The following CPS1 variants were observed in gnomAD, a reference collection of about 807,000 sequenced individuals.
The protein encoded by CPS1 is carbamoyl-phosphate synthase [ammonia], mitochondrial.
Under a neutral mutation model 174.6 loss-of-function variants are expected in CPS1, and 109 were observed. That is an observed-to-expected ratio of 0.62 (90% confidence interval 0.53 to 0.73). The LOEUF (loss-of-function observed/expected upper bound fraction) is 0.73, where lower values mean the gene tolerates loss of function less well. CPS1 is among the 30% of genes least tolerant of loss of function. The pLI is 0.00. For missense variants in CPS1, 1,689 were observed against 1,821.9 expected (o/e 0.93, Z 1.33); for synonymous variants, 637 against 632.0 (o/e 1.01, Z -0.12).
Position 210,648,630 on chromosome 2 carries a change from T to C in CPS1, c.3404+90T>C. On this transcript the variant is annotated intron_variant, in intron 27 of 37. Coordinates refer to ENST00000233072, the MANE Select transcript of CPS1 (RefSeq NM_001875.5). The stretch of plus-strand genomic sequence containing the variant: ...GTATGCTAATAGCACTAGGGTTCTA[T>C]ATGTAGTAATTTATAAATCCATTAA... 5.0e-6 allele frequency: 5 copies of C among 1,009,578 alleles called. No homozygotes were observed. The South Asian group carries it at 6.4e-5, about 13-fold the overall frequency. The allele number at this position is 1,009,578 out of a possible 1,614,324, so 62.5% of individuals were successfully genotyped here.
intron 21 of CPS1, among the ~76,000 whole-genome samples, chr2:210,635,077 G>A (rs965736825): frequency 6.6e-6 from 1 of 152,080 alleles, no homozygotes; most frequent in Non-Finnish European, 1.5e-5. Flanking sequence ...TTGAGTAGCT[G>A]GGATTACAGG....
At chr2:210,528,108 T>C (rs1216976447) in intron 1 of CPS1, among the ~76,000 whole-genome samples, 1 of 151,906 alleles carries the variant, frequency 6.6e-6, no homozygotes, top group Non-Finnish European at 1.5e-5. Context: ...CAAGTCACCC[T>C]GTTTGTGGAG....
chr2:210,511,798 A>G (rs1400005810), intron 1 of CPS1, among the ~76,000 whole-genome samples: 1 of 152,136 alleles, frequency 6.6e-6, no homozygotes, highest in Non-Finnish European at 1.5e-5. Context: ...GACTAAACTC[A>G]AAACTGACTG....
intron 1 of CPS1, among the ~76,000 whole-genome samples, chr2:210,523,745 T>C (rs1427728437): frequency 6.6e-6 from 1 of 152,042 alleles, no homozygotes; most frequent in African/African-American, 2.4e-5. Context: ...GAATGAATGT[T>C]CATGCAGGCA....
chr2:210,556,552 G>A (rs1331899174), upstream of CPS1: 8 of 1,481,810 alleles, frequency 5.4e-6, no homozygotes, highest in Admixed American at 4.6e-5. Flanking sequence ...TTAAGAGAAG[G>A]AGGAGCTGTG....
At chr2:210,486,824 G>T (rs1694742266) in intron 1 of CPS1, among the ~76,000 whole-genome samples, 1 of 152,076 alleles carries the variant, frequency 6.6e-6, no homozygotes, top group Non-Finnish European at 1.5e-5. Flanking sequence ...CTTTTCAAAT[G>T]CATTGTAGGT....
Position 210,595,555 on chromosome 2 carries a change from A to G in CPS1, c.1332A>G (p.Ser444=), listed in dbSNP as rs773724891. Residue 444 remains serine, a synonymous_variant, in exon 13 of 38, where the codon TCA becomes TCG. Coordinates refer to ENST00000233072, the MANE Select transcript of CPS1 (RefSeq NM_001875.5). ...GTCAGGCTGGAGAATTTGATTACTC[A>G]GGATCTCAAGCTGTAAAAGCCATGA... The part of the protein sequence containing the change: ...SIGQAGEFDY[S]GSQAVKAMKE... 4 of 1,611,340 alleles carry G rather than the reference A, an allele frequency of 2.5e-6. No individual in the cohort carries two copies. The highest frequency in any genetic ancestry group is 3.3e-4 in the Middle Eastern group (2 of 6,042).
At chr2:210,547,406 A>G (rs1030823785) in intron 1 of CPS1, among the ~76,000 whole-genome samples, 15 of 152,198 alleles carry the variant, frequency 9.9e-5, no homozygotes, top group African/African-American at 2.6e-4. Context: ...TTTGAGTCTG[A>G]TATTTCAGTT....
chr2:210,494,119 T>A (rs1694932811), intron 1 of CPS1, among the ~76,000 whole-genome samples: 1 of 152,234 alleles, frequency 6.6e-6, no homozygotes, highest in Non-Finnish European at 1.5e-5. Flanking sequence ...GCTTGGCATC[T>A]GCTGCTATCA....
At chr2:210,644,115 T>G (rs577378195) in intron 25 of CPS1, among the ~76,000 whole-genome samples, 76 of 152,264 alleles carry the variant, frequency 5.0e-4, no homozygotes, top group African/African-American at 1.8e-3. Flanking sequence ...AAAACTTCTA[T>G]GACTGCTTTT....
At chr2:210,629,439 C>T (rs1001432356) in intron 21 of CPS1, among the ~76,000 whole-genome samples, 4 of 151,924 alleles carry the variant, frequency 2.6e-5, no homozygotes, top group South Asian at 2.1e-4. Flanking sequence ...CTCAGCCTCC[C>T]GAGTAGCTCG....
chr2:210,506,249 C>T (rs1695280432), intron 1 of CPS1, among the ~76,000 whole-genome samples: 1 of 152,144 alleles, frequency 6.6e-6, no homozygotes, highest in Non-Finnish European at 1.5e-5. Flanking sequence ...TCTGCAGCCT[C>T]CGCTTCTGAT....
chr2:210,508,568 C>CA (rs1186581019), intron 1 of CPS1, among the ~76,000 whole-genome samples: 12 of 152,132 alleles, frequency 7.9e-5, no homozygotes, highest in Non-Finnish European at 8.8e-5. Flanking sequence ...AAAAACCCTT[C>CA]AAAAAATCAA....
At chr2:210,592,186 G>T (rs1698329327) in intron 10 of CPS1, among the ~76,000 whole-genome samples, 1 of 151,796 alleles carries the variant, frequency 6.6e-6, no homozygotes, top group African/African-American at 2.4e-5. Context: ...TAGCTGTTTT[G>T]AAATATGCAA....
At chr2:210,518,384 G>T (rs1200866426) in intron 1 of CPS1, among the ~76,000 whole-genome samples, 1 of 151,942 alleles carries the variant, frequency 6.6e-6, no homozygotes. Context: ...GTAGATGCGT[G>T]GTTAGAATAA....
chr2:210,642,696 A>G (rs370683451), intron 25 of CPS1, 31 bp downstream of exon 25: 60 of 1,593,292 alleles, frequency 3.8e-5, no homozygotes, highest in Non-Finnish European at 4.7e-5. Flanking sequence ...AAAAAAGAAA[A>G]AAGAAGACAG....
At chr2:210,514,407 G>C (rs559889415) in intron 1 of CPS1, among the ~76,000 whole-genome samples, 1 of 151,730 alleles carries the variant, frequency 6.6e-6, no homozygotes, top group African/African-American at 2.4e-5. Context: ...ACCTCCTTAG[G>C]TAGATGTATT....
intron 14 of CPS1, 90 bp downstream of exon 14, chr2:210,599,651 G>A (rs1000052913): frequency 3.5e-6 from 5 of 1,420,390 alleles, no homozygotes; most frequent in Admixed American, 1.7e-5. Flanking sequence ...ATTGTGCTTT[G>A]TGTGTTCATA....
chr2:210,518,903 C>A (rs1238900994), intron 1 of CPS1, among the ~76,000 whole-genome samples: 1 of 151,970 alleles, frequency 6.6e-6, no homozygotes, highest in Non-Finnish European at 1.5e-5. Context: ...TTATCTTAAC[C>A]TCAAAATTTT....
Sources: allele counts gnomAD v4.1 joint callset (sites outside exome capture counted in the v4.1 genomes callset), GRCh38; gene constraint gnomAD v4.1.1; transcripts MANE v1.5; gene names NCBI Gene and HGNC (gene_info 2026-07-23, HGNC 2026-07-21).